HYCC2: variants seen among roughly 807,000 people sequenced by gnomAD.
The protein encoded by HYCC2 is hyccin 2.
chr2:201,011,319 T>C, the HYCC2 span: 1 of 856,430 alleles, frequency 1.2e-6, no homozygotes, highest in Non-Finnish European at 1.8e-6. Flanking sequence ...TATTTATCTC[T>C]GATAAGAAAC....
chr2:201,040,018 C>G, the HYCC2 span, among the ~76,000 whole-genome samples: 2 of 152,024 alleles, frequency 1.3e-5, no homozygotes, highest in African/African-American at 4.8e-5. Context: ...ACTAAAAATA[C>G]AAACAATTAG....
the HYCC2 span, chr2:200,996,322 A>G: frequency 6.6e-6 from 1 of 151,978 alleles, no homozygotes; most frequent in African/African-American, 2.4e-5. Flanking sequence ...CCTGGCCTAC[A>G]TTTTTTCTAT....
At chr2:201,055,552 A>G in the HYCC2 span, among the ~76,000 whole-genome samples, 9 of 151,944 alleles carry the variant, frequency 5.9e-5, no homozygotes, top group African/African-American at 2.2e-4. Context: ...TACAAAAATT[A>G]ACAGGCCATG....
chr2:201,035,944 C>T, the HYCC2 span, among the ~76,000 whole-genome samples: 1 of 152,096 alleles, frequency 6.6e-6, no homozygotes, highest in African/African-American at 2.4e-5. Flanking sequence ...AATGTTGCTG[C>T]CTGATCGTTC....
chr2:201,063,108 C>G, the HYCC2 span: 7 of 1,610,028 alleles, frequency 4.3e-6, no homozygotes, highest in Non-Finnish European at 5.9e-6. Flanking sequence ...TCAGAGTCTC[C>G]TAAAGAGCCC....
the HYCC2 span, chr2:201,016,865 T>C: frequency 3.3e-6 from 3 of 913,976 alleles, no homozygotes; most frequent in South Asian, 1.7e-5. Flanking sequence ...CTCCCAAAAA[T>C]GCTGGGATTA....
chr2:200,981,825 A>G, the HYCC2 span: 1 of 1,614,036 alleles, frequency 6.2e-7, no homozygotes, highest in East Asian at 2.2e-5. This position sits in a 1 kb window ranked among gnomAD's most constrained non-coding sequence, Gnocchi z 4.5. Context: ...CTTCATCTGC[A>G]TCATTCAGGT....
chr2:201,067,881 A>G, the HYCC2 span, among the ~76,000 whole-genome samples: 1 of 152,250 alleles, frequency 6.6e-6, no homozygotes, highest in Non-Finnish European at 1.5e-5. Context: ...GAAATAAATT[A>G]GTTTGATTTA....
chr2:201,018,260 C>T, the HYCC2 span, among the ~76,000 whole-genome samples: 3 of 151,824 alleles, frequency 2.0e-5, no homozygotes, highest in Admixed American at 6.6e-5. Flanking sequence ...CTGGAGTAAC[C>T]GTAGGCTGCA....
the HYCC2 span, among the ~76,000 whole-genome samples, chr2:201,002,998 A>G: frequency 7.2e-5 from 11 of 152,248 alleles, no homozygotes; most frequent in African/African-American, 2.4e-4. Context: ...AATTGATGGT[A>G]CATACATAAA....
the HYCC2 span, among the ~76,000 whole-genome samples, chr2:201,057,302 A>G: frequency 6.6e-6 from 1 of 152,246 alleles, no homozygotes; most frequent in African/African-American, 2.4e-5. Context: ...ATGTGACCTT[A>G]TGACTTTCTT....
chr2:200,998,949 A>G, the HYCC2 span, among the ~76,000 whole-genome samples: 6 of 152,354 alleles, frequency 3.9e-5, no homozygotes, highest in East Asian at 9.6e-4. Context: ...CTTTCTCCAT[A>G]TATCTAGGTA....
chr2:200,979,085 ATAATGTTCCTTTCCTTACATACCT>A, the HYCC2 span: 1 of 152,018 alleles, frequency 6.6e-6, no homozygotes, highest in South Asian at 2.1e-4. Flanking sequence ...CTAGGTAAGT[ATAATGTTCCTTTCCTTACATACCT>A]GAAACTGCCT....
chr2:201,002,487 G>A, the HYCC2 span, among the ~76,000 whole-genome samples: 1 of 151,864 alleles, frequency 6.6e-6, no homozygotes, highest in Non-Finnish European at 1.5e-5. Flanking sequence ...CTTTGGCAAG[G>A]CTAATTTGAC....
chr2:201,067,895 A>G, the HYCC2 span, among the ~76,000 whole-genome samples: 1 of 152,190 alleles, frequency 6.6e-6, no homozygotes, highest in Non-Finnish European at 1.5e-5. Flanking sequence ...TGATTTATGG[A>G]AAGCAGCTAA....
the HYCC2 span, among the ~76,000 whole-genome samples, chr2:201,059,531 T>G: frequency 6.6e-6 from 1 of 152,174 alleles, no homozygotes; most frequent in East Asian, 1.9e-4. Context: ...AGTGACTCTT[T>G]CAGGACCTCC....
chr2:201,055,961 G>C, the HYCC2 span, among the ~76,000 whole-genome samples: 1 of 152,160 alleles, frequency 6.6e-6, no homozygotes, highest in Non-Finnish European at 1.5e-5. Flanking sequence ...GGCCGAGGCG[G>C]GTGGATCACA....
chr2:201,063,733 C>G, the HYCC2 span: 3 of 1,584,028 alleles, frequency 1.9e-6, no homozygotes, highest in South Asian at 1.1e-5. Flanking sequence ...GGAATGACAA[C>G]TTTGGTCATG....
chr2:200,992,225 C>T, the HYCC2 span: 1 of 1,061,652 alleles, frequency 9.4e-7, no homozygotes, highest in Non-Finnish European at 1.5e-6. Context: ...CATTTTTAAC[C>T]TAGTACCTTT....
Sources: gnomAD v4.1 joint callset for allele counts (sites outside exome capture counted in the v4.1 genomes callset) on GRCh38, gnomAD v4.1.1 for gene constraint, Gnocchi (gnomAD v3.1) non-coding constraint, MANE v1.5 for transcripts, NCBI Gene and HGNC (gene_info 2026-07-23, HGNC 2026-07-21) for gene names.